The following PHYHIP variants were observed in gnomAD, a reference collection of about 807,000 sequenced individuals.
PHYHIP encodes phytanoyl-CoA hydroxylase-interacting protein.
Under a neutral mutation model 26.1 loss-of-function variants are expected in PHYHIP, and 7 were observed. The observed-to-expected ratio is 0.27, with a 90% confidence interval of 0.15 to 0.50. The LOEUF (loss-of-function observed/expected upper bound fraction) is 0.50. Ranked by LOEUF, PHYHIP falls within the 20% of genes least tolerant of loss-of-function variation. The pLI is 0.98. For missense variants in PHYHIP, 232 were observed against 454.7 expected (o/e 0.51, Z 4.45); for synonymous variants, 206 against 183.4 (o/e 1.12, Z -1.00).
At chr8:22,227,868 C>T (rs543922108) in intron 2 of PHYHIP, among the ~76,000 whole-genome samples, 9 of 152,390 alleles carry the variant, frequency 5.9e-5, no homozygotes, top group East Asian at 5.8e-4. Flanking sequence ...CCACCCTACC[C>T]GGGCTCTCTG....
In PHYHIP at chr8:22,221,886, T is replaced by C. The variant is rs1829637573; in HGVS notation, c.460A>G (p.Thr154Ala). 1 of 1,510,952 alleles carries C rather than the reference T, an allele frequency of 6.6e-7. No homozygotes were observed. The highest frequency in any genetic ancestry group is 1.4e-5 in the African/African-American group (1 of 72,538). 93.6% of individuals were successfully genotyped at this position (1,510,952 alleles called of 1,614,324 possible). A position where few individuals can be genotyped will look rare whatever the true frequency, so the allele number is the denominator to read the frequency against. Residue 154 changes from threonine to alanine, a missense_variant and splice_region_variant, in exon 5 of 5, where the codon ACC becomes GCC. By Grantham distance (58) the Thr-to-Ala change is moderately conservative (BLOSUM62 0). Coordinates refer to ENST00000454243, the MANE Select transcript of PHYHIP (RefSeq NM_014759.5). This position sits in a 1 kb window ranked among gnomAD's most constrained non-coding sequence, Gnocchi z 7.9. ...HHKEYFQHAR[T>A]HCGNMLQPYL... ...GGCTGCAGCATGTTCCCGCAGTGGG[T>C]CCTGCCCACCCCAGGGAGACACACC...
intron 1 of PHYHIP, among the ~76,000 whole-genome samples, chr8:22,229,810 G>A (rs1829831567): frequency 6.6e-6 from 1 of 152,174 alleles, no homozygotes; most frequent in Non-Finnish European, 1.5e-5. Context: ...AGCTTCCAGA[G>A]GATCCAGCCC....
At chr8:22,227,867 C>G (rs944439600) in intron 2 of PHYHIP, among the ~76,000 whole-genome samples, 5 of 152,272 alleles carry the variant, frequency 3.3e-5, no homozygotes, top group African/African-American at 1.2e-4. Context: ...CCCACCCTAC[C>G]CGGGCTCTCT....
In PHYHIP at chr8:22,224,278, G is replaced by C; in HGVS notation, c.406C>G (p.Arg136Gly). 4 of 1,612,890 alleles carry C rather than the reference G, an allele frequency of 2.5e-6. No homozygotes were observed. The highest frequency in any genetic ancestry group is 3.4e-6 in the Non-Finnish European group (4 of 1,179,222). ...KAEQIAGRML[R>G]FSVFYRNHHK... ...TGGTTGCGGTAGAAGACGGAGAAGC[G>C]GAGCATGCGGCCTGCGATCTGCTCA... is the stretch of plus-strand genomic sequence containing the variant. Residue 136 changes from arginine to glycine, a missense_variant, in exon 4 of 5, where the codon CGC becomes GGC. By Grantham distance (125) the Arg-to-Gly change is moderately radical. Transcript: ENST00000454243.
intron 3 of PHYHIP, 134 bp from the exon 4 acceptor site, chr8:22,224,477 T>C (rs1046389273): frequency 4.8e-6 from 3 of 630,702 alleles, no homozygotes; most frequent in East Asian, 2.7e-5. Flanking sequence ...GACTAGACAG[T>C]CGCAGAACCT....
intron 1 of PHYHIP, among the ~76,000 whole-genome samples, chr8:22,230,648 A>G (rs1169236095): frequency 6.6e-6 from 1 of 151,812 alleles, no homozygotes; most frequent in African/African-American, 2.4e-5. Context: ...GCAGGCACGC[A>G]CGCGCATACA....
At chr8:22,224,740 G>T (rs1280166407) in intron 3 of PHYHIP, among the ~76,000 whole-genome samples, 1 of 152,180 alleles carries the variant, frequency 6.6e-6, no homozygotes, top group African/African-American at 2.4e-5. Context: ...TTTTGGGAAA[G>T]TCTCTCAAAT....
intron 2 of PHYHIP, among the ~76,000 whole-genome samples, 159 bp from the exon 3 acceptor site, chr8:22,227,184 C>T (rs1829765479): frequency 6.6e-6 from 1 of 152,248 alleles, no homozygotes; most frequent in Non-Finnish European, 1.5e-5. Flanking sequence ...CACCATTTTC[C>T]TGGGAAGGCC....
At chr8:22,223,521 C>A (rs895776821) in intron 4 of PHYHIP, among the ~76,000 whole-genome samples, 1 of 152,138 alleles carries the variant, frequency 6.6e-6, no homozygotes, top group Admixed American at 6.5e-5. Flanking sequence ...CAAGTGACTC[C>A]CTGGCTCGAA....
chr8:22,228,344 G>A lies in PHYHIP; in HGVS notation c.14C>T (p.Ser5Phe). 6.3e-7 allele frequency: 1 copy of A among 1,597,634 alleles called. No individual in the cohort carries two copies. The highest frequency in any genetic ancestry group is 8.5e-7 in the Non-Finnish European group (1 of 1,172,204). The change falls in exon 2 of 5, where the codon TCC (serine) becomes TTC (phenylalanine). Residue 5 changes from serine to phenylalanine, a missense_variant. Transcript: ENST00000454243. ...GTTGATCTCAATGCTGTGGGGCGTG[G>A]ACAGCAGCTCCATGCTCCCGTCAGG... Reference protein sequence around the residue: MELLSTPHSIEINNI... With the variant: MELLFTPHSIEINNI...
At position 22,221,310 on chromosome 8, in the gene PHYHIP, C is replaced by G; in HGVS notation, c.*43G>C. On this transcript the variant is annotated 3_prime_UTR_variant, in exon 5 of 5. Transcript: ENST00000454243. This position sits in a 1 kb window ranked among gnomAD's most constrained non-coding sequence, Gnocchi z 7.9. ...CTGAACCTGGGCTACCCACCTCCAC[C>G]TTCCGCTCATCTCTCCCTCGCCCCC... The G allele has an allele frequency of 2.0e-6, 3 of 1,518,008 alleles. No homozygotes were observed. Among genetic ancestry groups the G allele is most frequent in the Non-Finnish European group, 2.7e-6 (3 of 1,131,526 alleles). The allele number at this position is 1,518,008 out of a possible 1,614,324, so 94.0% of individuals were successfully genotyped here. A position where few individuals can be genotyped will look rare whatever the true frequency, so the allele number is the denominator to read the frequency against.
At chr8:22,229,965 G>A (rs1586495647) in intron 1 of PHYHIP, among the ~76,000 whole-genome samples, 1 of 152,138 alleles carries the variant, frequency 6.6e-6, no homozygotes, top group Non-Finnish European at 1.5e-5. Context: ...TTTCATCTTA[G>A]CCTCCCACCC....
chr8:22,223,828 G>C (rs1456998715), intron 4 of PHYHIP: 4 of 164,092 alleles, frequency 2.4e-5, no homozygotes, highest in African/African-American at 7.2e-5. Flanking sequence ...CGAGCTGGGT[G>C]CTTCCTCGAA....
intron 3 of PHYHIP, among the ~76,000 whole-genome samples, 155 bp downstream of exon 3, chr8:22,226,690 AGGGTGT>A (rs1263728672): frequency 6.6e-6 from 1 of 152,152 alleles, no homozygotes; most frequent in Non-Finnish European, 1.5e-5. Flanking sequence ...GGAGGCAGGG[AGGGTGT>A]CATGCCCGTG....
rs745822454 is a variant in PHYHIP at position 22,224,330 on chromosome 8, C to T, written c.354G>A (p.Glu118=). ...CTTTCTCCTGAAGCTGAGCCAGGTG[C>T]TCCTTGGCATAATCTGCAAGATCCC... is the stretch of plus-strand genomic sequence containing the variant. ...VEFCTGDYAK[E]HLAQLQEKAE... Residue 118 remains glutamate, a synonymous_variant, in exon 4 of 5, where the codon GAG becomes GAA. Coordinates refer to ENST00000454243, the MANE Select transcript of PHYHIP (RefSeq NM_014759.5). 4 of 1,604,168 alleles carry T rather than the reference C, an allele frequency of 2.5e-6. No individual in the cohort carries two copies. Among genetic ancestry groups the T allele is most frequent in the African/African-American group, 2.7e-5 (2 of 74,774 alleles).
chr8:22,225,571 G>A (rs1444619821), intron 3 of PHYHIP, among the ~76,000 whole-genome samples: 1 of 149,326 alleles, frequency 6.7e-6, no homozygotes, highest in Non-Finnish European at 1.5e-5. Flanking sequence ...AAGGCAGGCA[G>A]ATCACCTGAG....
chr8:22,226,754 C>A, intron 3 of PHYHIP, 97 bp downstream of exon 3: 1 of 1,147,262 alleles, frequency 8.7e-7, no homozygotes, highest in East Asian at 2.5e-5. Flanking sequence ...AGAAGGTGTT[C>A]ATCAGTGTTT....
chr8:22,229,288 T>C (rs1158635120), intron 1 of PHYHIP, among the ~76,000 whole-genome samples: 3 of 152,006 alleles, frequency 2.0e-5, no homozygotes, highest in African/African-American at 2.4e-5. Context: ...TGTCCCCTCA[T>C]GTGTGGGGGT....
In PHYHIP at chr8:22,228,244, G is replaced by A. The variant is rs1829791103; in HGVS notation, c.114C>T (p.Phe38=). The part of the protein sequence containing the change: ...DSDLERVTHY[F]IDLNKKENKN... ...TATTCTCCTTCTTGTTAAGGTCAAT[G>A]AAGTAATGGGTGACCCTCTCCAGGT... is the stretch of plus-strand genomic sequence containing the variant. The change falls in exon 2 of 5, where the codon TTC becomes TTT. Residue 38 remains phenylalanine (F), a synonymous_variant. Transcript: ENST00000454243. The A allele has an allele frequency of 1.2e-6, 2 of 1,613,558 alleles. No homozygotes were observed. Among genetic ancestry groups the A allele is most frequent in the African/African-American group, 1.3e-5 (1 of 74,936 alleles).
Sources: gnomAD v4.1 joint callset for allele counts (sites outside exome capture counted in the v4.1 genomes callset) on GRCh38, gnomAD v4.1.1 for gene constraint, Gnocchi (gnomAD v3.1) non-coding constraint, MANE v1.5 for transcripts, NCBI Gene and HGNC (gene_info 2026-07-23, HGNC 2026-07-21) for gene names.